NFYA: variants seen among roughly 807,000 people sequenced by gnomAD.
The protein encoded by NFYA is CAAT-box DNA binding protein subunit A.
A neutral mutation model predicts 52.8 loss-of-function variants in NFYA; 28 were observed. The ratio of observed to expected loss-of-function variants is 0.53; its 90% CI spans 0.39 to 0.73. The LOEUF is 0.73. Ranked by LOEUF, NFYA falls within the 30% of genes least tolerant of loss-of-function variation. The pLI is 0.00. For synonymous variants in NFYA, 150 were observed against 150.7 expected (o/e 1.00, Z 0.03); for missense variants, 234 against 427.0 (o/e 0.55, Z 3.98).
In NFYA at chr6:41,090,222, G is replaced by A. The variant is rs763712333; in HGVS notation, c.460G>A (p.Val154Ile). Residue 154 changes from valine to isoleucine, a missense_variant, in exon 6 of 10, where the codon GTC (valine) becomes ATC (isoleucine). Coordinates refer to ENST00000341376, the MANE Select transcript of NFYA (RefSeq NM_002505.5). ...GQTQTQQQIA[V>I]QGQQVAQTAE... The stretch of plus-strand genomic sequence containing the variant: ...CCTCCAGACACAGCAGCAGATTGCT[G>A]TCCAGGGACAGCAAGTGGCACAGAC... 1.2e-6 allele frequency: 2 copies of A among 1,613,136 alleles called. No individual in the cohort carries two copies. Among genetic ancestry groups the A allele is most frequent in the Non-Finnish European group, 8.5e-7 (1 of 1,179,386 alleles).
chr6:41,073,543 A>C (rs1763610089), intron 1 of NFYA, among the ~76,000 whole-genome samples: 2 of 151,766 alleles, frequency 1.3e-5, no homozygotes, highest in South Asian at 4.2e-4. Flanking sequence ...TTGGGACAGG[A>C]AGCCTCCCCG....
chr6:41,089,459 G>A, intron 4 of NFYA, 120 bp from the exon 5 acceptor site: 1 of 1,122,016 alleles, frequency 8.9e-7, no homozygotes, highest in Non-Finnish European at 1.2e-6. Context: ...GGCAGAGCAG[G>A]ACTTCTTTTT....
At position 41,089,025 on chromosome 6, in the gene NFYA, G is replaced by A. The variant is rs112185315; in HGVS notation, c.310-554G>A. On this transcript the variant is annotated intron_variant, in intron 4 of 9. Transcript: ENST00000341376. ...TTTTGAGACGGAATCTCGCTCTGTC[G>A]CCCAGGCTGGAGTGCAGTGGCGTGA... 2.8e-3 allele frequency among the ~76,000 whole-genome samples: 430 copies of A among 151,936 alleles called. 1 individual carries two copies. The highest frequency in any genetic ancestry group is 4.5e-3 in the Non-Finnish European group (309 of 67,974).
At chr6:41,087,326 G>C (rs1764075717) in intron 4 of NFYA, among the ~76,000 whole-genome samples, 1 of 152,198 alleles carries the variant, frequency 6.6e-6, no homozygotes, top group South Asian at 2.1e-4. Context: ...ATGTCTCTAA[G>C]ACATGGAACC....
In NFYA at chr6:41,078,980, G is replaced by T. The variant is rs1049965057; in HGVS notation, c.-61-49G>T. 9.6e-6 allele frequency: 8 copies of T among 835,376 alleles called. No individual in the cohort carries two copies. In the African/African-American group the frequency reaches 1.0e-4, roughly 10 times the overall value. 51.7% of individuals were successfully genotyped at this position (835,376 alleles called of 1,614,324 possible). On this transcript the variant is annotated intron_variant, in intron 1 of 9. Transcript: ENST00000341376. ...TTATCCAGGTTAATTGTCTGGTAAGGCCTTTATTGACAATCTCACTTTAGT... is the reference window on the plus strand; with the variant it reads ...TTATCCAGGTTAATTGTCTGGTAAGTCCTTTATTGACAATCTCACTTTAGT...
chr6:41,079,300 C>A, intron 2 of NFYA, 136 bp downstream of exon 2: 2 of 770,244 alleles, frequency 2.6e-6, no homozygotes, highest in Non-Finnish European at 4.3e-6. Flanking sequence ...ATGGCTTGTG[C>A]TGAAATGCCA....
At chr6:41,080,701 A>G (rs1763881292) in intron 2 of NFYA, 110 bp from the exon 3 acceptor site, 2 of 828,700 alleles carry the variant, frequency 2.4e-6, no homozygotes, top group Non-Finnish European at 4.0e-6. Context: ...GTACATTTTG[A>G]AAGTCCTTCA....
At chr6:41,090,028 T>G (rs1764158782) in intron 5 of NFYA, among the ~76,000 whole-genome samples, 176 bp from the exon 6 acceptor site, 1 of 152,120 alleles carries the variant, frequency 6.6e-6, no homozygotes. Flanking sequence ...GAGAATCGCT[T>G]GAACCCAGGA....
At chr6:41,076,609 C>G (rs964002002) in intron 1 of NFYA, among the ~76,000 whole-genome samples, 4 of 152,178 alleles carry the variant, frequency 2.6e-5, no homozygotes, top group Non-Finnish European at 4.4e-5. Context: ...GAGAATTGCA[C>G]TGAGAAGAGA....
chr6:41,083,758 C>T (rs1763970771), intron 3 of NFYA, among the ~76,000 whole-genome samples: 1 of 152,176 alleles, frequency 6.6e-6, no homozygotes, highest in Admixed American at 6.5e-5. Flanking sequence ...AAATGTTTGT[C>T]ATGGATTTAG....
At chr6:41,082,204 AGTGTT>A (rs1392852636) in intron 3 of NFYA, among the ~76,000 whole-genome samples, 1 of 152,182 alleles carries the variant, frequency 6.6e-6, no homozygotes, top group African/African-American at 2.4e-5. Flanking sequence ...TGCCACCAAT[AGTGTT>A]TGGTAATGAT....
intron 5 of NFYA, among the ~76,000 whole-genome samples, 195 bp downstream of exon 5, chr6:41,089,905 G>A (rs1412424946): frequency 6.6e-6 from 1 of 152,118 alleles, no homozygotes; most frequent in Non-Finnish European, 1.5e-5. Flanking sequence ...TGATCACAAG[G>A]TCAAGAGATC....
rs182807838 is a variant in NFYA, at chr6:41,100,382, G to C, written c.*2972G>C. 9.3e-4 allele frequency among the ~76,000 whole-genome samples: 141 copies of C among 152,266 alleles called. No homozygotes were observed. The highest frequency in any genetic ancestry group is 3.1e-3 in the African/African-American group (128 of 41,544). ...AAGACCAAAACAAAAGTACTTTTCT[G>C]ATTGTTAAAAATCCACAGCATGCTC... On this transcript the variant is annotated 3_prime_UTR_variant, in exon 10 of 10. Coordinates refer to ENST00000341376, the MANE Select transcript of NFYA (RefSeq NM_002505.5).
rs1385678582 is a variant in NFYA at position 41,080,879 on chromosome 6, A to G, written c.144A>G (p.Gln48=). Residue 48 remains glutamine (Q), a synonymous_variant, in exon 3 of 10, where the codon CAA becomes CAG. Coordinates refer to ENST00000341376, the MANE Select transcript of NFYA (RefSeq NM_002505.5). Reference sequence around the variant, plus strand: ...AGGTGGCATCCGCCTCAGGCCAGCAAGTCCAGACCCTCCAGGTAGTGGTAC... The same window carrying G: ...AGGTGGCATCCGCCTCAGGCCAGCAGGTCCAGACCCTCCAGGTAGTGGTAC... The part of the protein sequence containing the change: ...EAQVASASGQ[Q]VQTLQVVQGQ... The G allele has an allele frequency of 1.9e-6, 3 of 1,614,018 alleles. No individual in the cohort carries two copies. In the East Asian group the frequency reaches 6.7e-5, roughly 36 times the overall value.
At position 41,099,446 on chromosome 6, in the gene NFYA, G is replaced by C. The variant is rs1304256963; in HGVS notation, c.*2036G>C. The stretch of plus-strand genomic sequence containing the variant: ...GCCTTGTTGCTGAATTTTTTATTTG[G>C]GGGGAGATGACTTTGAATTTTGTTT... On this transcript the variant is annotated 3_prime_UTR_variant, in exon 10 of 10. Coordinates refer to ENST00000341376, the MANE Select transcript of NFYA (RefSeq NM_002505.5). The C allele has an allele frequency of 1.3e-5, 2 of 152,130 alleles. No homozygotes were observed. Among genetic ancestry groups the C allele is most frequent in the Non-Finnish European group, 2.9e-5 (2 of 68,020 alleles). 9.4% of individuals were successfully genotyped at this position (152,130 alleles called of 1,614,324 possible). A position where few individuals can be genotyped will look rare whatever the true frequency, so the allele number is the denominator to read the frequency against.
chr6:41,092,278 G>A (rs1764215843), intron 7 of NFYA, among the ~76,000 whole-genome samples: 1 of 152,226 alleles, frequency 6.6e-6, no homozygotes, highest in South Asian at 2.1e-4. Flanking sequence ...TGTAGTCCTA[G>A]CTACTTGGGA....
intron 8 of NFYA, among the ~76,000 whole-genome samples, chr6:41,093,600 A>G (rs1194731375): frequency 6.6e-6 from 1 of 151,840 alleles, no homozygotes; most frequent in Non-Finnish European, 1.5e-5. Context: ...CCTCCTGAGT[A>G]GCTGGGATTA....
Position 41,101,203 on chromosome 6 carries a change from A to T in NFYA, c.*3793A>T, listed in dbSNP as rs969352915. 10 of 152,310 alleles carry T rather than the reference A, an allele frequency of 6.6e-5. No individual in the cohort carries two copies. The highest frequency in any genetic ancestry group is 2.4e-4 in the African/African-American group (10 of 41,462). 9.4% of individuals were successfully genotyped at this position (152,310 alleles called of 1,614,324 possible). ...GGTGAGGGCGACGGCCGGCACTTGC[A>T]CTTAAGTCTCCTGGCCTGCGGGAGA... On this transcript the variant is annotated 3_prime_UTR_variant, in exon 10 of 10. Coordinates refer to ENST00000341376, the MANE Select transcript of NFYA (RefSeq NM_002505.5).
intron 1 of NFYA, among the ~76,000 whole-genome samples, chr6:41,074,457 T>C (rs895778276): frequency 1.3e-5 from 2 of 152,256 alleles, no homozygotes; most frequent in Non-Finnish European, 2.9e-5. Context: ...GTTCAGTTGC[T>C]GTGAAGTATC....
Sources: allele counts gnomAD v4.1 joint callset (sites outside exome capture counted in the v4.1 genomes callset), GRCh38; gene constraint gnomAD v4.1.1; transcripts MANE v1.5; gene names NCBI Gene and HGNC (gene_info 2026-07-23, HGNC 2026-07-21).